SNX29: variants seen among roughly 807,000 people sequenced by gnomAD.
The protein encoded by SNX29 is sorting nexin-29.
SNX29 carries 78 observed loss-of-function variants against 102.1 expected under a neutral mutation model. That is an observed-to-expected ratio of 0.76 (90% CI 0.64 to 0.92). SNX29 has a LOEUF of 0.92. Among genes scored for constraint, SNX29 ranks in the 40% least tolerant of loss-of-function variants. The probability of loss-of-function intolerance (pLI) is 0.00; values close to 1 mark genes in which losing one functional copy is unlikely to be tolerated. For synonymous variants in SNX29, 580 were observed against 414.5 expected (o/e 1.40, Z -4.85); for missense variants, 1,280 against 1,061.7 (o/e 1.21, Z -2.86).
At chr16:12,390,149 G>GGGGTGTGTGTGTGT (rs55953631) in intron 16 of SNX29, among the ~76,000 whole-genome samples, 4 of 145,680 alleles carry the variant, frequency 2.7e-5, no homozygotes, top group East Asian at 4.2e-4. Flanking sequence ...GCAATTGAGG[G>GGGGTGTGTGTGTGT]GTGTGTGTGT....
At chr16:12,533,333 C>G (rs930344393) in intron 20 of SNX29, among the ~76,000 whole-genome samples, 2 of 152,182 alleles carry the variant, frequency 1.3e-5, no homozygotes, top group African/African-American at 4.8e-5. Context: ...ACCTGTGGCC[C>G]TGTGGGTCCT....
At chr16:12,487,043 A>G (rs1001026180) in intron 19 of SNX29, among the ~76,000 whole-genome samples, 1 of 152,192 alleles carries the variant, frequency 6.6e-6, no homozygotes, top group Admixed American at 6.5e-5. Flanking sequence ...CGGGCACGTT[A>G]TTTGACCTCT....
At chr16:12,558,644 T>G (rs2078525390) in intron 20 of SNX29, among the ~76,000 whole-genome samples, 5 of 152,210 alleles carry the variant, frequency 3.3e-5, no homozygotes, top group African/African-American at 9.6e-5. Context: ...AAGAAACCTA[T>G]TCTCCATCCC....
intron 11 of SNX29, among the ~76,000 whole-genome samples, chr16:12,086,443 C>G (rs909763225): frequency 2.0e-5 from 3 of 151,932 alleles, no homozygotes; most frequent in Non-Finnish European, 4.4e-5. Flanking sequence ...GAGGCAGGGT[C>G]TCTGTTGCCC....
Position 12,568,740 on chromosome 16 carries a change from C to A in SNX29, c.*111C>A, listed in dbSNP as rs142743802. 34 of 1,451,050 alleles carry A rather than the reference C, an allele frequency of 2.3e-5. No individual in the cohort carries two copies. The South Asian group carries it at 2.9e-4, about 12-fold the overall frequency. 89.9% of individuals were successfully genotyped at this position (1,451,050 alleles called of 1,614,324 possible). On this transcript the variant is annotated 3_prime_UTR_variant, in exon 21 of 21. Transcript: ENST00000566228. The stretch of plus-strand genomic sequence containing the variant: ...TGACAACCACGTCCACCTGGTGATC[C>A]TGAGAGCACACGATTCCCAACAGTT...
chr16:12,042,528 T>C (rs2049924677), intron 4 of SNX29, among the ~76,000 whole-genome samples: 2 of 152,218 alleles, frequency 1.3e-5, no homozygotes, highest in Non-Finnish European at 2.9e-5. Flanking sequence ...GCCATCTTTA[T>C]GTCTGTGTGT....
intron 13 of SNX29, among the ~76,000 whole-genome samples, chr16:12,144,434 T>C (rs531055538): frequency 1.6e-4 from 24 of 152,246 alleles, no homozygotes; most frequent in African/African-American, 5.8e-4. Context: ...CAAGCAACAG[T>C]ATAAAAAGGT....
At chr16:12,270,317 T>C (rs76443107) in intron 14 of SNX29, among the ~76,000 whole-genome samples, 2,462 of 152,304 alleles carry the variant, frequency 0.016, 65 homozygotes, top group African/African-American at 0.057. Flanking sequence ...ATTGGTTTAT[T>C]GGGGGGATGT....
intron 14 of SNX29, among the ~76,000 whole-genome samples, chr16:12,277,363 G>C (rs1202581980): frequency 1.3e-5 from 2 of 151,998 alleles, no homozygotes; most frequent in African/African-American, 4.8e-5. Flanking sequence ...GATTGATTGT[G>C]CCACTATACT....
intron 8 of SNX29, chr16:12,060,666 C>G: frequency 2.4e-6 from 1 of 412,112 alleles, no homozygotes; most frequent in South Asian, 1.8e-5. Flanking sequence ...ACGGTTGATA[C>G]AGATGTAATG....
chr16:12,211,094 G>C (rs1173350616), intron 14 of SNX29, among the ~76,000 whole-genome samples: 1 of 152,064 alleles, frequency 6.6e-6, no homozygotes, highest in East Asian at 1.9e-4. Context: ...TGGGTGGTTT[G>C]GGAAGTTAGG....
chr16:12,438,870 C>T (rs544104604), intron 18 of SNX29, among the ~76,000 whole-genome samples: 3 of 152,120 alleles, frequency 2.0e-5, no homozygotes, highest in Non-Finnish European at 4.4e-5. Context: ...GGACAGGAGC[C>T]GGGCCTGTTG....
At chr16:12,558,427 C>A (rs1378200804) in intron 20 of SNX29, among the ~76,000 whole-genome samples, 1 of 152,198 alleles carries the variant, frequency 6.6e-6, no homozygotes, top group African/African-American at 2.4e-5. Context: ...AAGCTGACAT[C>A]TAGAAAGCAT....
intron 11 of SNX29, among the ~76,000 whole-genome samples, chr16:12,125,066 C>T (rs1468091243): frequency 6.6e-6 from 1 of 152,130 alleles, no homozygotes; most frequent in African/African-American, 2.4e-5. Context: ...GGGAGCTCCT[C>T]TGCTCGTGTG....
chr16:12,158,977 G>A (rs552492672), intron 13 of SNX29, among the ~76,000 whole-genome samples: 11 of 152,326 alleles, frequency 7.2e-5, no homozygotes, highest in South Asian at 6.2e-4. Context: ...GAGAATGGGC[G>A]GAGAATGAGA....
chr16:12,363,993 A>G lies in SNX29; in HGVS notation c.1899+7714A>G, dbSNP rs566856084. ...GAATGCTTAACTTGTATCACTATAT[A>G]TACTTTACTTTTTTTTAGAGACAGG... On this transcript the variant is annotated intron_variant, in intron 16 of 20. Transcript: ENST00000566228. 1.8e-4 allele frequency among the ~76,000 whole-genome samples: 27 copies of G among 152,128 alleles called. 1 individual carries two copies. The highest frequency in any genetic ancestry group is 6.8e-3 in the Middle Eastern group (2 of 294).
intron 18 of SNX29, among the ~76,000 whole-genome samples, chr16:12,416,183 G>A (rs1292049080): frequency 6.6e-6 from 1 of 152,104 alleles, no homozygotes; most frequent in Non-Finnish European, 1.5e-5. Context: ...GACTGCTCAT[G>A]GGCCCTCCTC....
At chr16:12,515,542 G>A (rs1412913612) in intron 19 of SNX29, 4 of 491,860 alleles carry the variant, frequency 8.1e-6, no homozygotes, top group South Asian at 4.6e-5. Context: ...GACTGCAGCA[G>A]CATCCTTGCT....
chr16:12,103,843 C>T (rs2053121051), intron 11 of SNX29, among the ~76,000 whole-genome samples: 2 of 152,178 alleles, frequency 1.3e-5, no homozygotes, highest in African/African-American at 4.8e-5. Flanking sequence ...AACAACTTTG[C>T]GAGAGAAAAA....
Sources: allele counts gnomAD v4.1 joint callset (sites outside exome capture counted in the v4.1 genomes callset), GRCh38; gene constraint gnomAD v4.1.1; transcripts MANE v1.5; gene names NCBI Gene and HGNC (gene_info 2026-07-23, HGNC 2026-07-21).